Variants in PDE4B observed in about 807,000 individuals in gnomAD.
PDE4B encodes 3',5'-cyclic-AMP phosphodiesterase 4B.
Under a neutral mutation model 82.2 loss-of-function variants are expected in PDE4B, and 20 were observed. The observed-to-expected ratio is 0.24, with a 90% CI of 0.17 to 0.35. PDE4B has a LOEUF of 0.35. Ranked by LOEUF, PDE4B falls within the 10% of genes least tolerant of loss-of-function variation. The probability of loss-of-function intolerance (pLI) is 1.00; values close to 1 mark genes in which losing one functional copy is unlikely to be tolerated. For synonymous variants in PDE4B, 320 were observed against 318.9 expected, an observed-to-expected ratio of 1.00 and a Z score of -0.04; for missense variants, 655 against 907.2, an observed-to-expected ratio of 0.72 and a Z score of 3.57.
chr1:66,023,466 A>G (rs549187434), intron 3 of PDE4B, among the ~76,000 whole-genome samples: 15 of 152,278 alleles, frequency 9.9e-5, no homozygotes, highest in Non-Finnish European at 2.1e-4. Context: ...CTCAGATCCA[A>G]TTAGTGGCAG....
chr1:66,163,217 A>G (rs1036792911), intron 3 of PDE4B, among the ~76,000 whole-genome samples: 6 of 152,198 alleles, frequency 3.9e-5, no homozygotes, highest in Admixed American at 6.5e-5. Flanking sequence ...TGAGTGACCA[A>G]TAAGATTTAC....
At chr1:66,008,071 T>C (rs1373393250) in intron 3 of PDE4B, among the ~76,000 whole-genome samples, 1 of 152,198 alleles carries the variant, frequency 6.6e-6, no homozygotes, top group African/African-American at 2.4e-5. Context: ...TGTTCCCTTA[T>C]TAAAAGCTTC....
intron 3 of PDE4B, among the ~76,000 whole-genome samples, chr1:66,075,325 CA>C (rs1656363929): frequency 6.6e-6 from 1 of 151,978 alleles, no homozygotes; most frequent in Non-Finnish European, 1.5e-5. Context: ...TTTGTTTGAA[CA>C]GCTGTTTAAA....
intron 1 of PDE4B, among the ~76,000 whole-genome samples, chr1:65,882,140 A>T (rs555429333): frequency 6.6e-6 from 1 of 152,320 alleles, no homozygotes; most frequent in Admixed American, 6.5e-5. Context: ...CTGATTTTAT[A>T]TGGGTTTTTG....
intron 3 of PDE4B, among the ~76,000 whole-genome samples, chr1:65,949,074 A>G (rs1325981298): frequency 6.6e-6 from 1 of 152,006 alleles, no homozygotes; most frequent in Non-Finnish European, 1.5e-5. Flanking sequence ...TGTGGATTAT[A>G]GCCTTCTGTC....
chr1:66,288,583 A>G (rs953145956), intron 7 of PDE4B, among the ~76,000 whole-genome samples: 1 of 152,116 alleles, frequency 6.6e-6, no homozygotes, highest in African/African-American at 2.4e-5. Context: ...TTTGACCCCC[A>G]TTTCCTAAAC....
chr1:66,082,146 G>A (rs72667467), intron 3 of PDE4B, among the ~76,000 whole-genome samples: 2,414 of 152,128 alleles, frequency 0.016, 37 homozygotes, highest in Non-Finnish European at 0.024. Context: ...TCCCAGCATT[G>A]ATTAACCTGG....
Position 66,364,401 on chromosome 1 carries a change from T to C in PDE4B, c.1284+830T>C, listed in dbSNP as rs1158774143. Reference sequence around the variant, plus strand: ...AGGTGGCCGTGGCTCCCTTCCTTCATAGATTAATGCATTTGTGTATACCGA... The same window carrying C: ...AGGTGGCCGTGGCTCCCTTCCTTCACAGATTAATGCATTTGTGTATACCGA... On this transcript the variant is annotated intron_variant, in intron 12 of 16. Transcript: ENST00000341517. 4.6e-5 allele frequency among the ~76,000 whole-genome samples: 7 copies of C among 152,316 alleles called. 1 individual carries two copies. The East Asian group carries it at 1.3e-3, about 29-fold the overall frequency.
chr1:66,355,824 C>T (rs1034390624), intron 9 of PDE4B, among the ~76,000 whole-genome samples: 1 of 151,998 alleles, frequency 6.6e-6, no homozygotes, highest in Non-Finnish European at 1.5e-5. Flanking sequence ...AATTAAAATA[C>T]CCATCCAAGA....
intron 9 of PDE4B, among the ~76,000 whole-genome samples, chr1:66,356,232 T>G (rs940196525): frequency 1.3e-5 from 2 of 152,232 alleles, no homozygotes; most frequent in African/African-American, 4.8e-5. Flanking sequence ...CCCAATCTGA[T>G]GCTTTATCTA....
intron 1 of PDE4B, among the ~76,000 whole-genome samples, chr1:65,831,579 A>G (rs1346215527): frequency 6.6e-6 from 1 of 152,154 alleles, no homozygotes; most frequent in Non-Finnish European, 1.5e-5. Flanking sequence ...TCACTGGCAA[A>G]TTCTATGAAA....
chr1:65,820,322 A>G (rs1278015810), intron 1 of PDE4B, among the ~76,000 whole-genome samples: 3 of 152,256 alleles, frequency 2.0e-5, no homozygotes, highest in Non-Finnish European at 4.4e-5. Context: ...TGACAAATCA[A>G]TCTGAACAAT....
chr1:66,349,096 C>T (rs1313945930), intron 8 of PDE4B, among the ~76,000 whole-genome samples: 1 of 152,074 alleles, frequency 6.6e-6, no homozygotes, highest in African/African-American at 2.4e-5. Context: ...ATTTGGGGAG[C>T]TGTTCAAGCC....
At chr1:66,196,359 A>G (rs949058818) in intron 3 of PDE4B, among the ~76,000 whole-genome samples, 1 of 152,200 alleles carries the variant, frequency 6.6e-6, no homozygotes, top group African/African-American at 2.4e-5. Flanking sequence ...TCAACAGTCT[A>G]CAGAGCTGAG....
chr1:65,939,821 A>G (rs1002546579), intron 3 of PDE4B, among the ~76,000 whole-genome samples: 1 of 152,158 alleles, frequency 6.6e-6, no homozygotes, highest in African/African-American at 2.4e-5. Flanking sequence ...CCACTTACGC[A>G]AGGCACTTAC....
intron 3 of PDE4B, among the ~76,000 whole-genome samples, chr1:66,221,203 C>T (rs1239141817): frequency 6.6e-6 from 1 of 152,040 alleles, no homozygotes; most frequent in African/African-American, 2.4e-5. Flanking sequence ...AAGTGGCCAC[C>T]CTCCTAGGAT....
chr1:66,104,800 T>A (rs1645307969), intron 3 of PDE4B, among the ~76,000 whole-genome samples: 1 of 150,188 alleles, frequency 6.7e-6, no homozygotes, highest in Non-Finnish European at 1.5e-5. Flanking sequence ...GTTTTTTTCT[T>A]GTACATTTGT....
chr1:66,164,844 G>GCTCCAC (rs918786820), intron 3 of PDE4B, among the ~76,000 whole-genome samples: 3 of 144,748 alleles, frequency 2.1e-5, no homozygotes, highest in African/African-American at 7.7e-5. Context: ...CTGCAAGCAA[G>GCTCCAC]CTCCACCTCC....
intron 3 of PDE4B, among the ~76,000 whole-genome samples, chr1:66,057,836 C>T (rs1360863498): frequency 6.6e-6 from 1 of 152,118 alleles, no homozygotes; most frequent in Non-Finnish European, 1.5e-5. Context: ...TGGGTGGGGA[C>T]ACAAAACCAA....
Sources: gnomAD v4.1 joint callset for allele counts (sites outside exome capture counted in the v4.1 genomes callset) on GRCh38, gnomAD v4.1.1 for gene constraint, MANE v1.5 for transcripts, NCBI Gene and HGNC (gene_info 2026-07-23, HGNC 2026-07-21) for gene names.